The following KLRG2 variants were observed in gnomAD, a reference collection of about 807,000 sequenced individuals.
KLRG2 encodes killer cell lectin like receptor G2.
A neutral mutation model predicts 35.4 loss-of-function variants in KLRG2; 39 were observed. The observed-to-expected ratio is 1.10, with a 90% CI of 0.85 to 1.44. The LOEUF (loss-of-function observed/expected upper bound fraction) is 1.44, where lower values mean the gene tolerates loss of function less well. Among genes scored for constraint, KLRG2 ranks in the 40% most tolerant of loss-of-function variants. The pLI is 0.00. For missense variants in KLRG2, 632 were observed against 570.9 expected, an observed-to-expected ratio of 1.11 and a Z score of -1.09; for synonymous variants, 283 against 265.8, an observed-to-expected ratio of 1.06 and a Z score of -0.63.
chr7:139,457,661 T>A (rs1309618807), intron 3 of KLRG2, among the ~76,000 whole-genome samples: 1 of 152,126 alleles, frequency 6.6e-6, no homozygotes, highest in Non-Finnish European at 1.5e-5. Flanking sequence ...GACCCTGTCC[T>A]TCTGTCAGAG....
At position 139,458,967 on chromosome 7, in the gene KLRG2, G is replaced by A. The variant is rs116586686; in HGVS notation, c.1006-4753C>T. Among the ~76,000 whole-genome samples, 641 of 152,222 alleles carry A rather than the reference G, an allele frequency of 4.2e-3. 8 individuals carry two copies. Among genetic ancestry groups the A allele is most frequent in the African/African-American group, 0.015 (611 of 41,538 alleles). On this transcript the variant is annotated intron_variant, in intron 3 of 4. Coordinates refer to ENST00000340940, the MANE Select transcript of KLRG2 (RefSeq NM_198508.4). ...TGCCTCAGCACCTGCAGGAGCTTCC[G>A]GTCCTTGTCCAGAACTCAGGAAAAT...
Position 139,483,020 on chromosome 7 carries a change from C to A in KLRG2, c.623G>T (p.Gly208Val). The A allele has an allele frequency of 1.5e-6, 2 of 1,370,898 alleles. No individual in the cohort carries two copies. Among genetic ancestry groups the A allele is most frequent in the Non-Finnish European group, 1.9e-6 (2 of 1,070,380 alleles). 84.9% of individuals were successfully genotyped at this position (1,370,898 alleles called of 1,614,324 possible). A position where few individuals can be genotyped will look rare whatever the true frequency, so the allele number is the denominator to read the frequency against. Residue 208 changes from glycine (G) to valine (V), a missense_variant, in exon 1 of 5, where the codon GGA becomes GTA. Transcript: ENST00000340940. ...DAEGRASPAE[G>V]SAGSPGSPTC... ...GGGGGAGCCCGGGGAGCCGGCGCTT[C>A]CTTCCGCGGGGCTGGCCCGGCCCTC...
At chr7:139,451,471 G>C (rs1305933965), downstream of KLRG2, among the ~76,000 whole-genome samples, 1 of 152,112 alleles carries the variant, frequency 6.6e-6, no homozygotes, top group African/African-American at 2.4e-5. Flanking sequence ...CTGTGCTCCA[G>C]CCTGGCGACA....
chr7:139,429,023 A>G, the KLRG2 span, among the ~76,000 whole-genome samples: 1 of 152,226 alleles, frequency 6.6e-6, no homozygotes, highest in African/African-American at 2.4e-5. Context: ...TTCCATTTAA[A>G]TAATCACTTT....
chr7:139,480,958 G>A (rs2116486413), intron 1 of KLRG2, among the ~76,000 whole-genome samples: 1 of 151,660 alleles, frequency 6.6e-6, no homozygotes, highest in East Asian at 1.9e-4. Flanking sequence ...TGGTCAGGCT[G>A]GTCTTGAACT....
At chr7:139,468,171 C>T (rs1450168660) in intron 3 of KLRG2, among the ~76,000 whole-genome samples, 1 of 152,156 alleles carries the variant, frequency 6.6e-6, no homozygotes, top group Non-Finnish European at 1.5e-5. Context: ...CCACATCCCC[C>T]TCTCCGAGAA....
At chr7:139,441,406 G>A in the KLRG2 span, among the ~76,000 whole-genome samples, 1 of 152,056 alleles carries the variant, frequency 6.6e-6, no homozygotes, top group Non-Finnish European at 1.5e-5. Flanking sequence ...TCACTCACAG[G>A]TGGGAATTGA....
intron 3 of KLRG2, among the ~76,000 whole-genome samples, chr7:139,477,475 CACA>C (rs1487341555): frequency 6.6e-6 from 1 of 152,126 alleles, no homozygotes; most frequent in Non-Finnish European, 1.5e-5. Context: ...ATAAGCCAGT[CACA>C]ACAAGACAAA....
rs1395560376 is a variant in KLRG2 at position 139,479,629 on chromosome 7, G to T, written c.1003C>A (p.Gln335Lys). The T allele has an allele frequency of 3.1e-6, 5 of 1,612,196 alleles. No individual in the cohort carries two copies. Among genetic ancestry groups the T allele is most frequent in the Non-Finnish European group, 4.2e-6 (5 of 1,179,852 alleles). The change falls in exon 3 of 5, where the codon CAG (glutamine) becomes AAG (lysine). Residue 335 changes from glutamine to lysine, a missense_variant and splice_region_variant. Transcript: ENST00000340940. ...HATLPLLSHT[Q>K]DFLGRYPVSR... Reference sequence around the variant, plus strand: ...TAGATTGGACACCCCCTTCTCACCTGGGTGTGGCTTAGCAGGGGGAGGGTA... The same window carrying T: ...TAGATTGGACACCCCCTTCTCACCTTGGTGTGGCTTAGCAGGGGGAGGGTA...
the KLRG2 span, among the ~76,000 whole-genome samples, chr7:139,444,232 T>G: frequency 0.39 from 59,575 of 152,146 alleles, 16,543 homozygotes; most frequent in African/African-American, 0.79. Flanking sequence ...ATCTCCTTTA[T>G]CAACACCCTT....
Position 139,483,625 on chromosome 7 carries a change from C to T in KLRG2, c.18G>A (p.Glu6=), listed in dbSNP as rs751249540. The T allele has an allele frequency of 8.3e-6, 13 of 1,558,210 alleles. No individual in the cohort carries two copies. In the Admixed American group the frequency reaches 9.3e-5, roughly 11 times the overall value. The part of the protein sequence containing the change: MEESW[E]AAPGGQAGAE... ...CCCCGGCTTGGCCTCCGGGCGCAGC[C>T]TCCCAAGACTCCTCCATCCCGCGCG... The change falls in exon 1 of 5, where the codon GAG becomes GAA. Residue 6 remains glutamate, a synonymous_variant. Coordinates refer to ENST00000340940, the MANE Select transcript of KLRG2 (RefSeq NM_198508.4).
In KLRG2 at chr7:139,454,828, TAATAATAATAATAA is replaced by T. The variant is rs1419688654; in HGVS notation, c.1006-628_1006-615del. ...GGGAAATTCTATCTCAAAATAATAA[TAATAATAATAATAA>T]TAATAATAATAATAATAATAATAAC... On this transcript the variant is annotated intron_variant, in intron 3 of 4. Transcript: ENST00000340940. Among the ~76,000 whole-genome samples, 30 of 60,526 alleles carry T rather than the reference TAATAATAATAATAA, an allele frequency of 5.0e-4. No homozygotes were observed. In the East Asian group the frequency reaches 7.0e-3, roughly 14 times the overall value. The allele number at this position is 60,526 out of a possible 152,430, so 39.7% of individuals were successfully genotyped here. A position where few individuals can be genotyped will look rare whatever the true frequency, so the allele number is the denominator to read the frequency against.
downstream of KLRG2, among the ~76,000 whole-genome samples, chr7:139,452,467 C>A (rs1213928872): frequency 6.6e-6 from 1 of 152,168 alleles, no homozygotes; most frequent in Non-Finnish European, 1.5e-5. Context: ...ATGAAAAATA[C>A]AGTGTGAGAA....
rs143136241 is a variant in KLRG2 at position 139,480,219 on chromosome 7, G to T, written c.786C>A (p.Tyr262Ter). 2.2e-4 allele frequency: 357 copies of T among 1,612,816 alleles called. 2 individuals carry two copies. The African/African-American group carries it at 4.2e-3, about 19-fold the overall frequency. Residue 262 changes from tyrosine (Y) to a stop codon, truncating the protein, a stop_gained, in exon 2 of 5, where the codon TAC (tyrosine) becomes TAA (stop). Transcript: ENST00000340940. LOFTEE classifies it high-confidence loss of function. ...GCACAGCCATGAACGCCAGGGCCCA[G>T]TACAGGGACTTCACGTACATGGGTA... Reference protein sequence around the residue: ...TGLPMYVKSLYWALAFMAVLL... With the variant: ...TGLPMYVKSL
intron 3 of KLRG2, among the ~76,000 whole-genome samples, chr7:139,478,279 T>C (rs1796889357): frequency 6.6e-6 from 1 of 151,444 alleles, no homozygotes. Context: ...GGTGGGAGGA[T>C]TGCTTGAGCC....
At chr7:139,475,395 G>A (rs990695328) in intron 3 of KLRG2, among the ~76,000 whole-genome samples, 1 of 152,052 alleles carries the variant, frequency 6.6e-6, no homozygotes, top group Non-Finnish European at 1.5e-5. Flanking sequence ...GCCAGGCGTG[G>A]TGGCGGGCGC....
chr7:139,472,443 CA>C (rs199646931), intron 3 of KLRG2, among the ~76,000 whole-genome samples: 5 of 149,184 alleles, frequency 3.4e-5, no homozygotes, highest in South Asian at 4.3e-4. Context: ...GAAAAAAGGA[CA>C]AAAAAAAATG....
At chr7:139,427,791 G>A in the KLRG2 span, among the ~76,000 whole-genome samples, 3 of 152,234 alleles carry the variant, frequency 2.0e-5, no homozygotes, top group East Asian at 3.9e-4. Context: ...CTACATAGAC[G>A]ATGCCCGATG....
chr7:139,471,750 G>A (rs111252332), intron 3 of KLRG2, among the ~76,000 whole-genome samples: 12 of 152,318 alleles, frequency 7.9e-5, no homozygotes, highest in African/African-American at 2.6e-4. Flanking sequence ...TCCAGGGCAA[G>A]AGACGTCAGG....
Sources: gnomAD v4.1 joint callset for allele counts (sites outside exome capture counted in the v4.1 genomes callset) on GRCh38, gnomAD v4.1.1 for gene constraint, MANE v1.5 for transcripts, NCBI Gene and HGNC (gene_info 2026-07-23, HGNC 2026-07-21) for gene names.